The following MAGED1 variants were observed in gnomAD, a reference collection of about 807,000 sequenced individuals.
The protein encoded by MAGED1 is MAGE family member D1, also known as melanoma-associated antigen D1.
In MAGED1, 3 loss-of-function variants were observed where a neutral mutation model predicts 54.1. The observed-to-expected ratio is 0.06, with a 90% confidence interval of 0.03 to 0.14. The LOEUF (loss-of-function observed/expected upper bound fraction) is 0.14. Ranked by LOEUF, MAGED1 falls within the 10% of genes least tolerant of loss-of-function variation. The probability of loss-of-function intolerance (pLI) is 1.00; values close to 1 mark genes in which losing one functional copy is unlikely to be tolerated. For synonymous variants in MAGED1, 217 were observed against 227.3 expected (o/e 0.95, Z 0.41); for missense variants, 485 against 623.4 (o/e 0.78, Z 2.36).
intron 1 of MAGED1, among the ~76,000 whole-genome samples, chrX:51,882,724 C>G (rs1316529880): frequency 9.1e-6 from 1 of 109,993 alleles, no homozygotes; most frequent in East Asian, 2.8e-4. Context: ...GAGTCTCACT[C>G]TTGTTGTCCA....
rs1420773320 is a variant in MAGED1 at position 51,838,495 on chromosome X, A to G, written c.-37+35378A>G. On this transcript the variant is annotated intron_variant, in intron 1 of 12. Transcript: ENST00000375772. ...ATAGGAATAAAGTATTTCTGATTTA[A>G]CTAACTCAGGTACCAGGGAATATTT... 1.9e-4 allele frequency among the ~76,000 whole-genome samples: 21 copies of G among 112,371 alleles called. No homozygotes were observed. In the Admixed American group the frequency reaches 2.0e-3, roughly 11 times the overall value.
At chrX:51,819,518 C>A (rs915555713) in intron 1 of MAGED1, among the ~76,000 whole-genome samples, 1 of 110,778 alleles carries the variant, frequency 9.0e-6, no homozygotes, top group Admixed American at 9.7e-5. Context: ...CAAGTAGTAC[C>A]TGATTGAGGT....
intron 1 of MAGED1, among the ~76,000 whole-genome samples, chrX:51,881,213 G>A (rs1261992105): frequency 9.1e-6 from 1 of 110,357 alleles, no homozygotes; most frequent in Non-Finnish European, 1.9e-5. Flanking sequence ...ATCTCATTAT[G>A]AGGGCTCTAC....
intron 1 of MAGED1, among the ~76,000 whole-genome samples, chrX:51,854,917 C>A (rs1927033357): frequency 1.8e-5 from 2 of 111,612 alleles, no homozygotes; most frequent in Non-Finnish European, 3.8e-5. Context: ...TTGCTTTCCT[C>A]TCCTAGTTCT....
rs1291803598 is a variant in MAGED1 at position 51,820,571 on chromosome X, C to G, written c.-37+17454C>G. On this transcript the variant is annotated intron_variant, in intron 1 of 12. Transcript: ENST00000375772. ...ATTTATTCCTAAGTGTTGAATTTTTCTTTTATGCTACTGTAAATGGACTTG... is the reference window on the plus strand; with the variant it reads ...ATTTATTCCTAAGTGTTGAATTTTTGTTTTATGCTACTGTAAATGGACTTG... Among the ~76,000 whole-genome samples the G allele has an allele frequency of 2.7e-5, 3 of 111,396 alleles. No individual in the cohort carries two copies. The Admixed American group carries it at 2.9e-4, about 11-fold the overall frequency.
chrX:51,883,858 C>A (rs1350556269), intron 1 of MAGED1, among the ~76,000 whole-genome samples: 6 of 111,130 alleles, frequency 5.4e-5, no homozygotes, highest in Admixed American at 4.8e-4. Flanking sequence ...CTTTAAAAAA[C>A]AAACCTCAGT....
intron 1 of MAGED1, among the ~76,000 whole-genome samples, chrX:51,827,466 A>G (rs56706863): frequency 0.098 from 10,941 of 111,464 alleles, 506 homozygotes; most frequent in Middle Eastern, 0.14. Flanking sequence ...TAGTGGATAC[A>G]TGTGTTTATA....
chrX:51,810,955 T>A (rs1925198211), intron 1 of MAGED1, among the ~76,000 whole-genome samples: 1 of 112,048 alleles, frequency 8.9e-6, no homozygotes, highest in Non-Finnish European at 1.9e-5. Context: ...AAATGTTGTA[T>A]GTATGTGTTG....
chrX:51,901,142 A>G (rs782641574), intron 11 of MAGED1, among the ~76,000 whole-genome samples: 43 of 111,864 alleles, frequency 3.8e-4, no homozygotes, highest in South Asian at 1.5e-3. Flanking sequence ...ATTATTAACT[A>G]TAGTCGTCAT....
In MAGED1 at chrX:51,894,308, G is replaced by C. The variant is rs1557363866; in HGVS notation, c.4G>C (p.Ala2Pro). 1.7e-6 allele frequency: 2 copies of C among 1,201,534 alleles called. No individual in the cohort carries two copies. The highest frequency in any genetic ancestry group is 2.2e-6 in the Non-Finnish European group (2 of 890,488). The change falls in exon 2 of 13, where the codon GCT becomes CCT. Residue 2 changes from alanine (A) to proline (P), a missense_variant. Around this residue, in one of 2 missense-constraint regions of MAGED1, gnomAD observed 299 missense variants for 293.1 expected, o/e 1.02. Coordinates refer to ENST00000326587, the MANE Select transcript of MAGED1 (RefSeq NM_006986.4). The stretch of plus-strand genomic sequence containing the variant: ...TCTTGCCAGAGGGACAGGAGCCATG[G>C]CTCAGAAAATGGACTGTGGTGCGGG... MAQKMDCGAGLL... is the reference protein window; with the variant it reads MPQKMDCGAGLL...
intron 2 of MAGED1, 21 bp from the exon 3 acceptor site, chrX:51,895,032 T>C: frequency 8.6e-7 from 1 of 1,160,911 alleles, no homozygotes; most frequent in Non-Finnish European, 1.2e-6. Context: ...AGATTTAATT[T>C]TTTCCCCCCT....
At chrX:51,807,517 C>A (rs1374766666) in intron 1 of MAGED1, among the ~76,000 whole-genome samples, 5 of 111,082 alleles carry the variant, frequency 4.5e-5, no homozygotes, top group Non-Finnish European at 9.4e-5. Context: ...TTTCCCAAGG[C>A]CATGAAGATA....
chrX:51,881,587 T>C (rs1361607689), intron 1 of MAGED1, among the ~76,000 whole-genome samples: 2 of 109,531 alleles, frequency 1.8e-5, no homozygotes, highest in African/African-American at 6.6e-5. Flanking sequence ...AGCTAATTTT[T>C]TGTATTTTCA....
At chrX:51,835,991 T>C (rs1450934644) in intron 1 of MAGED1, among the ~76,000 whole-genome samples, 1 of 111,913 alleles carries the variant, frequency 8.9e-6, no homozygotes, top group African/African-American at 3.2e-5. Context: ...TTTTCCATAG[T>C]TTAATATGTC....
chrX:51,814,522 A>G (rs1209444207), intron 1 of MAGED1, among the ~76,000 whole-genome samples: 2 of 112,103 alleles, frequency 1.8e-5, no homozygotes, highest in African/African-American at 3.2e-5. Context: ...CTGCAGGAAG[A>G]CATTTATAAA....
At chrX:51,863,547 C>G (rs1208526814) in intron 1 of MAGED1, among the ~76,000 whole-genome samples, 1 of 111,729 alleles carries the variant, frequency 9.0e-6, no homozygotes, top group African/African-American at 3.3e-5. Flanking sequence ...TGGGGGGGAA[C>G]CTCCATACTG....
rs184449098 is a variant in MAGED1, at chrX:51,825,463, G to A, written c.-37+22346G>A. On this transcript the variant is annotated intron_variant, in intron 1 of 12. Coordinates refer to the MAGED1 transcript ENST00000375772. ...GCTGAGAGCAGAAGAGGTTGACTTC[G>A]TAGAGGAGAAGGGCTGAAGAAGCAA... Among the ~76,000 whole-genome samples the A allele has an allele frequency of 7.3e-4, 82 of 112,501 alleles. 1 individual carries two copies. Among genetic ancestry groups the A allele is most frequent in the Non-Finnish European group, 1.3e-3 (67 of 53,265 alleles).
At chrX:51,813,270 G>A (rs900448289) in intron 1 of MAGED1, among the ~76,000 whole-genome samples, 1 of 110,418 alleles carries the variant, frequency 9.1e-6, no homozygotes, top group Non-Finnish European at 1.9e-5. Context: ...TGACCCACCC[G>A]CCTCTGCCTC....
chrX:51,869,660 G>T (rs1302563291), intron 1 of MAGED1, among the ~76,000 whole-genome samples: 1 of 110,914 alleles, frequency 9.0e-6, no homozygotes, highest in African/African-American at 3.3e-5. Context: ...CTTGAGCTCA[G>T]GAGTTTGAGA....
Sources: allele counts gnomAD v4.1 joint callset (sites outside exome capture counted in the v4.1 genomes callset), GRCh38; gene constraint gnomAD v4.1.1; regional missense constraint gnomAD v4.1.1; transcripts MANE v1.5; gene names NCBI Gene and HGNC (gene_info 2026-07-23, HGNC 2026-07-21).